The following CDH4 variants were observed in gnomAD, a reference collection of about 807,000 sequenced individuals.
The protein encoded by CDH4 is cadherin 4.
In CDH4, 33 loss-of-function variants were observed where a neutral mutation model predicts 86.0. That is an observed-to-expected ratio of 0.38 (90% confidence interval 0.29 to 0.51). CDH4 has a LOEUF of 0.51. Ranked by LOEUF, CDH4 falls within the 20% of genes least tolerant of loss-of-function variation. The pLI is 0.86. For synonymous variants in CDH4, 555 were observed against 549.4 expected, an observed-to-expected ratio of 1.01 and a Z score of -0.14; for missense variants, 1,114 against 1,307.4, an observed-to-expected ratio of 0.85 and a Z score of 2.28.
chr20:61,622,282 G>A (rs1240975346), intron 2 of CDH4, among the ~76,000 whole-genome samples: 3 of 152,284 alleles, frequency 2.0e-5, no homozygotes, highest in East Asian at 1.9e-4. Flanking sequence ...CTAGGTGGCC[G>A]CTGAGTTTTA....
chr20:61,881,029 G>A (rs1984249719), intron 7 of CDH4, among the ~76,000 whole-genome samples: 1 of 152,204 alleles, frequency 6.6e-6, no homozygotes, highest in Non-Finnish European at 1.5e-5. Context: ...AACCAACTCA[G>A]GCCACTTCCT....
At chr20:61,749,835 T>C (rs891962620) in intron 3 of CDH4, among the ~76,000 whole-genome samples, 3 of 152,094 alleles carry the variant, frequency 2.0e-5, no homozygotes, top group African/African-American at 7.2e-5. Context: ...CCAAGGCAGG[T>C]GGATCACCTG....
intron 2 of CDH4, among the ~76,000 whole-genome samples, chr20:61,407,490 C>T (rs893634247): frequency 1.3e-5 from 2 of 152,156 alleles, no homozygotes; most frequent in African/African-American, 4.8e-5. Flanking sequence ...TGGGTGAATA[C>T]GTGGCTCAGA....
intron 6 of CDH4, among the ~76,000 whole-genome samples, chr20:61,853,416 G>A (rs762740375): frequency 3.9e-5 from 6 of 152,088 alleles, no homozygotes; most frequent in East Asian, 1.9e-4. Flanking sequence ...AGAGAGGCCC[G>A]GACTCCCCCC....
intron 2 of CDH4, among the ~76,000 whole-genome samples, chr20:61,729,177 C>A (rs1054238387): frequency 6.6e-6 from 1 of 152,168 alleles, no homozygotes; most frequent in Non-Finnish European, 1.5e-5. Flanking sequence ...CGGTGCATGG[C>A]GCATTGGTGG....
At chr20:61,535,203 C>G (rs950561832) in intron 2 of CDH4, among the ~76,000 whole-genome samples, 1 of 152,248 alleles carries the variant, frequency 6.6e-6, no homozygotes, top group Non-Finnish European at 1.5e-5. Context: ...GGCGAGGAAG[C>G]TGAGGCTCAG....
At chr20:61,358,671 G>A (rs1366582312) in intron 2 of CDH4, among the ~76,000 whole-genome samples, 5 of 152,200 alleles carry the variant, frequency 3.3e-5, no homozygotes, top group Non-Finnish European at 5.9e-5. Flanking sequence ...GTTTTCTATT[G>A]CAAACCTCAC....
At position 61,929,432 on chromosome 20, in the gene CDH4, C is replaced by T. The variant is rs185208591; in HGVS notation, c.2006-177C>T. ...GGATTACAAGCGTGAGCCACCACAC[C>T]CAACCTCCAATGTCTTTTAACTTAA... is the stretch of plus-strand genomic sequence containing the variant. On this transcript the variant is annotated intron_variant, in intron 12 of 15. Coordinates refer to ENST00000614565, the MANE Select transcript of CDH4 (RefSeq NM_001794.5). Among the ~76,000 whole-genome samples the T allele has an allele frequency of 1.3e-3, 199 of 152,328 alleles. 2 individuals are homozygous for T. The highest frequency in any genetic ancestry group is 4.6e-3 in the African/African-American group (190 of 41,576).
At chr20:61,323,127 A>T (rs997645520) in intron 2 of CDH4, among the ~76,000 whole-genome samples, 1 of 152,194 alleles carries the variant, frequency 6.6e-6, no homozygotes. Flanking sequence ...TGGCAAGAGG[A>T]TAGCAAGGAG....
At chr20:61,437,960 A>G (rs1200571650) in intron 2 of CDH4, among the ~76,000 whole-genome samples, 1 of 152,174 alleles carries the variant, frequency 6.6e-6, no homozygotes. Context: ...CATGGGCCGG[A>G]TGTCCATCAG....
intron 11 of CDH4, among the ~76,000 whole-genome samples, chr20:61,925,524 C>G (rs2055035716): frequency 6.6e-6 from 1 of 152,182 alleles, no homozygotes; most frequent in South Asian, 2.1e-4. Flanking sequence ...TTGCTGCGGC[C>G]GTGATGACTG....
intron 2 of CDH4, among the ~76,000 whole-genome samples, chr20:61,423,974 C>T (rs942888871): frequency 1.3e-5 from 2 of 152,188 alleles, no homozygotes; most frequent in African/African-American, 2.4e-5. Context: ...CAAATGAACA[C>T]GTGTGCATGG....
chr20:61,406,769 A>G (rs1300912157), intron 2 of CDH4, among the ~76,000 whole-genome samples: 10 of 132,940 alleles, frequency 7.5e-5, no homozygotes, highest in African/African-American at 2.9e-4. Context: ...CTGGACCACC[A>G]TCTGCTCTGC....
At chr20:61,621,209 C>A (rs1241323659) in intron 2 of CDH4, among the ~76,000 whole-genome samples, 1 of 152,180 alleles carries the variant, frequency 6.6e-6, no homozygotes, top group East Asian at 1.9e-4. Context: ...CTCCAATGGA[C>A]CGCGGTTCCG....
chr20:61,565,199 G>T (rs1185817659), intron 2 of CDH4, among the ~76,000 whole-genome samples: 8 of 46,908 alleles, frequency 1.7e-4, no homozygotes, highest in East Asian at 4.3e-4. Context: ...CCTCTTGGTG[G>T]TGGTCGCGGT....
chr20:61,458,214 C>A (rs1266942225), intron 2 of CDH4, among the ~76,000 whole-genome samples: 1 of 143,998 alleles, frequency 6.9e-6, no homozygotes, highest in African/African-American at 2.7e-5. Flanking sequence ...ATGTTGATGA[C>A]AGTGCTGATG....
intron 2 of CDH4, among the ~76,000 whole-genome samples, chr20:61,707,862 C>T (rs1486396537): frequency 2.0e-5 from 3 of 152,268 alleles, no homozygotes; most frequent in Admixed American, 6.5e-5. Context: ...GGAGGACCTG[C>T]CAGGAGGCTC....
intron 2 of CDH4, among the ~76,000 whole-genome samples, chr20:61,549,040 G>A (rs2086108948): frequency 6.6e-6 from 1 of 152,128 alleles, no homozygotes; most frequent in African/African-American, 2.4e-5. Context: ...GCTCCACGGG[G>A]GCAGGCAGAT....
At chr20:61,735,638 C>T (rs575877928) in intron 2 of CDH4, among the ~76,000 whole-genome samples, 1 of 152,244 alleles carries the variant, frequency 6.6e-6, no homozygotes, top group Non-Finnish European at 1.5e-5. Flanking sequence ...CTGCCCCCTC[C>T]GCTGGACCCC....
Sources: gnomAD v4.1 joint callset for allele counts (sites outside exome capture counted in the v4.1 genomes callset) on GRCh38, gnomAD v4.1.1 for gene constraint, MANE v1.5 for transcripts, NCBI Gene and HGNC (gene_info 2026-07-23, HGNC 2026-07-21) for gene names.